Variants in FSTL5 observed in about 807,000 individuals in gnomAD.
FSTL5 encodes follistatin like 5, also known as follistatin-related protein 5.
A neutral mutation model predicts 89.1 loss-of-function variants in FSTL5; 62 were observed. The observed-to-expected ratio is 0.70, with a 90% CI of 0.57 to 0.86. The LOEUF is 0.86. FSTL5 is among the 40% of genes least tolerant of loss of function. The pLI is 0.00. For missense variants in FSTL5, 1,057 were observed against 1,001.6 expected (o/e 1.06, Z -0.75); for synonymous variants, 383 against 346.2 (o/e 1.11, Z -1.18).
chr4:161,549,578 A>G (rs1213693397), intron 8 of FSTL5, among the ~76,000 whole-genome samples: 1 of 151,914 alleles, frequency 6.6e-6, no homozygotes, highest in Non-Finnish European at 1.5e-5. Context: ...TAAAATGGCC[A>G]TGAGAGTATA....
chr4:161,453,122 G>A (rs1440280849), intron 15 of FSTL5, among the ~76,000 whole-genome samples: 1 of 152,088 alleles, frequency 6.6e-6, no homozygotes, highest in Non-Finnish European at 1.5e-5. Flanking sequence ...TTAACATAAT[G>A]ATAACTTTAC....
chr4:161,853,733 C>T (rs1731633717), intron 4 of FSTL5, among the ~76,000 whole-genome samples: 2 of 152,110 alleles, frequency 1.3e-5, no homozygotes, highest in Non-Finnish European at 2.9e-5. Flanking sequence ...TAGGTATTTA[C>T]TCCTCTTTAT....
At chr4:161,585,195 G>A (rs1273358601) in intron 8 of FSTL5, among the ~76,000 whole-genome samples, 1 of 152,190 alleles carries the variant, frequency 6.6e-6, no homozygotes, top group East Asian at 1.9e-4. Context: ...TTGGCTCAAA[G>A]TCTCCTTCAT....
chr4:161,415,555 G>A (rs769754267), intron 15 of FSTL5, among the ~76,000 whole-genome samples: 1 of 151,722 alleles, frequency 6.6e-6, no homozygotes, highest in South Asian at 2.1e-4. Flanking sequence ...ACGCTCGGCC[G>A]TCTCTTCACT....
Position 162,008,657 on chromosome 4 carries a change from T to TA in FSTL5, c.160+24967dup, listed in dbSNP as rs568289808. ...ATAATTAGTTATTACCTAGAGTTTT[T>TA]ATCTGTGTTATAGGAAATAGACACC... On this transcript the variant is annotated intron_variant, in intron 3 of 15. Transcript: ENST00000306100. 5.9e-5 allele frequency among the ~76,000 whole-genome samples: 9 copies of TA among 152,024 alleles called. No homozygotes were observed. The East Asian group carries it at 1.7e-3, about 29-fold the overall frequency.
At chr4:161,784,703 G>A (rs1156341091) in intron 4 of FSTL5, among the ~76,000 whole-genome samples, 3 of 151,834 alleles carry the variant, frequency 2.0e-5, no homozygotes, top group Non-Finnish European at 2.9e-5. Context: ...GACCATCCTG[G>A]CTAACACGCT....
intron 15 of FSTL5, among the ~76,000 whole-genome samples, chr4:161,436,223 G>A (rs1322921760): frequency 2.0e-5 from 3 of 152,068 alleles, no homozygotes; most frequent in Admixed American, 6.6e-5. Flanking sequence ...TCAAGTCCCC[G>A]TAAAAGCACC....
chr4:161,819,068 A>C (rs1448805118), intron 4 of FSTL5, among the ~76,000 whole-genome samples: 1 of 152,174 alleles, frequency 6.6e-6, no homozygotes, highest in Non-Finnish European at 1.5e-5. Context: ...CTAATTAAAC[A>C]TTCTAAATAT....
intron 1 of FSTL5, among the ~76,000 whole-genome samples, chr4:162,145,492 C>CTCT (rs1732938336): frequency 6.6e-6 from 1 of 152,024 alleles, no homozygotes. Flanking sequence ...TACATATGCA[C>CTCT]TGAAGGTTGG....
intron 15 of FSTL5, among the ~76,000 whole-genome samples, chr4:161,449,348 G>A (rs189883388): frequency 6.6e-6 from 1 of 152,194 alleles, no homozygotes; most frequent in East Asian, 1.9e-4. Context: ...AGAAATAAGA[G>A]CAATTTAAAG....
intron 7 of FSTL5, among the ~76,000 whole-genome samples, chr4:161,600,396 G>A (rs1427136639): frequency 6.6e-6 from 1 of 152,008 alleles, no homozygotes. Context: ...AGATTCATTG[G>A]TAAGGGCATA....
intron 3 of FSTL5, among the ~76,000 whole-genome samples, chr4:161,981,302 T>A (rs943638781): frequency 1.3e-5 from 2 of 152,002 alleles, no homozygotes; most frequent in African/African-American, 2.4e-5. Context: ...AGAAGTTAGA[T>A]CCATTAAAAG....
At chr4:161,928,104 T>C (rs1734179925) in intron 3 of FSTL5, among the ~76,000 whole-genome samples, 1 of 151,872 alleles carries the variant, frequency 6.6e-6, no homozygotes, top group Non-Finnish European at 1.5e-5. Context: ...ATATATTTAA[T>C]GGCTCTATAA....
chr4:162,098,867 T>C (rs1730872616), intron 2 of FSTL5, among the ~76,000 whole-genome samples: 1 of 152,054 alleles, frequency 6.6e-6, no homozygotes, highest in Admixed American at 6.6e-5. Flanking sequence ...ACTGCACATC[T>C]ACATGCAAAA....
At chr4:162,059,156 A>G (rs1029879352) in intron 2 of FSTL5, among the ~76,000 whole-genome samples, 1 of 152,224 alleles carries the variant, frequency 6.6e-6, no homozygotes, top group African/African-American at 2.4e-5. Flanking sequence ...ATGTATCAAA[A>G]TAAGTTTGAG....
At chr4:161,697,292 T>C (rs1738203651) in intron 6 of FSTL5, among the ~76,000 whole-genome samples, 1 of 152,212 alleles carries the variant, frequency 6.6e-6, no homozygotes, top group South Asian at 2.1e-4. Context: ...TCACTACAAT[T>C]GTTTAACTAG....
intron 6 of FSTL5, among the ~76,000 whole-genome samples, chr4:161,724,360 T>C (rs529688195): frequency 1.3e-5 from 2 of 152,138 alleles, no homozygotes; most frequent in Non-Finnish European, 2.9e-5. Flanking sequence ...CCGATGTACA[T>C]AGATCAAAAA....
At position 161,904,145 on chromosome 4, in the gene FSTL5, T is replaced by C. The variant is rs375998131; in HGVS notation, c.409+16259A>G. Among the ~76,000 whole-genome samples, 35 of 152,086 alleles carry C rather than the reference T, an allele frequency of 2.3e-4. No homozygotes were observed. In the East Asian group the frequency reaches 5.6e-3, roughly 24 times the overall value. The stretch of plus-strand genomic sequence containing the variant: ...AGTTTTTCTCAGTTTTTCTTAGAAT[T>C]CTCAGATTTAATAACAGAGACTCAC... On this transcript the variant is annotated intron_variant, in intron 4 of 15. Coordinates refer to ENST00000306100, the MANE Select transcript of FSTL5 (RefSeq NM_020116.5).
chr4:162,070,465 A>G (rs775471961), intron 2 of FSTL5, among the ~76,000 whole-genome samples: 2 of 151,860 alleles, frequency 1.3e-5, no homozygotes, highest in African/African-American at 2.4e-5. Context: ...GTTTTCTTCT[A>G]CAGGTTGCAT....
Sources: allele counts gnomAD v4.1 joint callset (sites outside exome capture counted in the v4.1 genomes callset), GRCh38; gene constraint gnomAD v4.1.1; transcripts MANE v1.5; gene names NCBI Gene and HGNC (gene_info 2026-07-23, HGNC 2026-07-21).